Variants in LRRC37A2 observed in about 807,000 individuals in gnomAD.
LRRC37A2 encodes the protein leucine-rich repeat-containing protein 37A2.
Under a neutral mutation model 68.8 loss-of-function variants are expected in LRRC37A2, and 9 were observed. The observed-to-expected ratio is 0.13, with a 90% CI of 0.08 to 0.23. The LOEUF (loss-of-function observed/expected upper bound fraction) is 0.23, where lower values mean the gene tolerates loss of function less well. Ranked by LOEUF, LRRC37A2 falls within the 10% of genes least tolerant of loss-of-function variation. The pLI, the probability that LRRC37A2 is intolerant of heterozygous loss-of-function variation, is 1.00. For synonymous variants in LRRC37A2, 63 were observed against 367.6 expected (o/e 0.17, Z 9.48); for missense variants, 168 against 950.4 (o/e 0.18, Z 10.82).
At chr17:46,895,625 G>A in the LRRC37A2 span, among the ~76,000 whole-genome samples, 2 of 152,322 alleles carry the variant, frequency 1.3e-5, no homozygotes, top group South Asian at 4.1e-4. Flanking sequence ...GGTTCAGAAA[G>A]GTTGTGCCTG....
the LRRC37A2 span, chr17:46,932,449 C>G: frequency 1.7e-6 from 1 of 600,652 alleles, no homozygotes; most frequent in Non-Finnish European, 3.0e-6. Context: ...TGAAAATTAC[C>G]TGGTTGGGCT....
chr17:46,900,256 T>A, the LRRC37A2 span, among the ~76,000 whole-genome samples: 1 of 146,822 alleles, frequency 6.8e-6, no homozygotes, highest in African/African-American at 2.6e-5. Flanking sequence ...TATATGTATA[T>A]ATATATTTTT....
the LRRC37A2 span, among the ~76,000 whole-genome samples, chr17:46,880,979 A>T: frequency 6.6e-6 from 1 of 152,176 alleles, no homozygotes; most frequent in East Asian, 1.9e-4. Flanking sequence ...TAATAGGAGA[A>T]ATGAGAAGCA....
At chr17:46,856,612 T>C in the LRRC37A2 span, among the ~76,000 whole-genome samples, 1 of 151,750 alleles carries the variant, frequency 6.6e-6, no homozygotes, top group Non-Finnish European at 1.5e-5. Context: ...GCCTCTCAAG[T>C]AGATGGGATG....
the LRRC37A2 span, among the ~76,000 whole-genome samples, chr17:46,872,219 C>G: frequency 6.6e-6 from 1 of 152,168 alleles, no homozygotes; most frequent in Non-Finnish European, 1.5e-5. Context: ...CCTGGGAAAG[C>G]GTATTTTTAA....
chr17:47,036,375 G>GA, the LRRC37A2 span, among the ~76,000 whole-genome samples: 2 of 151,542 alleles, frequency 1.3e-5, no homozygotes, highest in Non-Finnish European at 2.9e-5. Context: ...TGTTTTAAAA[G>GA]AAAAAAAATC....
At chr17:46,999,637 A>T in the LRRC37A2 span, among the ~76,000 whole-genome samples, 2 of 152,002 alleles carry the variant, frequency 1.3e-5, no homozygotes, top group Non-Finnish European at 2.9e-5. Flanking sequence ...GGCGTGAGCC[A>T]CCATGCCAGG....
At chr17:46,749,442 T>C in the LRRC37A2 span, among the ~76,000 whole-genome samples, 1 of 152,214 alleles carries the variant, frequency 6.6e-6, no homozygotes, top group African/African-American at 2.4e-5. Flanking sequence ...ATTCCCACCA[T>C]ACATGTGCCA....
chr17:46,772,520 AGAACGAGTTT>A, the LRRC37A2 span, among the ~76,000 whole-genome samples: 26 of 152,376 alleles, frequency 1.7e-4, no homozygotes, highest in African/African-American at 5.5e-4. Context: ...CACACCGACA[AGAACGAGTTT>A]GAAATGCAAA....
the LRRC37A2 span, among the ~76,000 whole-genome samples, chr17:46,961,307 G>A: frequency 1.3e-4 from 20 of 152,276 alleles, no homozygotes; most frequent in African/African-American, 4.6e-4. Context: ...GGAGGCTGAG[G>A]CAGGAGGATC....
At chr17:46,822,095 G>A in the LRRC37A2 span, among the ~76,000 whole-genome samples, 1 of 152,248 alleles carries the variant, frequency 6.6e-6, no homozygotes, top group Admixed American at 6.5e-5. Context: ...GGGGAAGTGC[G>A]AAGGGCCGAA....
At chr17:46,932,115 C>T in the LRRC37A2 span, 1 of 1,613,720 alleles carries the variant, frequency 6.2e-7, no homozygotes, top group African/African-American at 1.3e-5. Flanking sequence ...AGACTGCGCT[C>T]AGAAACTTCC....
At chr17:46,862,785 T>C in the LRRC37A2 span, among the ~76,000 whole-genome samples, 1 of 152,168 alleles carries the variant, frequency 6.6e-6, no homozygotes, top group Admixed American at 6.5e-5. Flanking sequence ...GGTTTTACCA[T>C]GTTGGCCAGG....
the LRRC37A2 span, among the ~76,000 whole-genome samples, chr17:46,839,074 C>T: frequency 2.0e-5 from 3 of 152,138 alleles, no homozygotes; most frequent in South Asian, 6.2e-4. Flanking sequence ...GACAGACTTT[C>T]ACCATGTTGG....
At chr17:46,954,311 GTTT>G in the LRRC37A2 span, among the ~76,000 whole-genome samples, 5 of 152,138 alleles carry the variant, frequency 3.3e-5, no homozygotes, top group Non-Finnish European at 5.9e-5. Context: ...CCCATTTCTT[GTTT>G]TTGTCAGGTT....
chr17:46,964,501 G>T, the LRRC37A2 span: 1 of 152,398 alleles, frequency 6.6e-6, no homozygotes, highest in African/African-American at 2.4e-5. Context: ...GGACAGCTTC[G>T]CTGGCCTATT....
chr17:46,687,414 T>A, the LRRC37A2 span, among the ~76,000 whole-genome samples: 5 of 151,390 alleles, frequency 3.3e-5, 1 homozygote, highest in Non-Finnish European at 5.9e-5. Context: ...ACAAAAAAAA[T>A]TCCCTTGTAT....
At chr17:46,996,583 C>T in the LRRC37A2 span, among the ~76,000 whole-genome samples, 54 of 152,344 alleles carry the variant, frequency 3.5e-4, no homozygotes, top group African/African-American at 1.3e-3. Context: ...GGCCCAGGGG[C>T]CCCTAGGCCT....
At chr17:46,535,548 ATTTT>A (rs2054567216) in intron 6 of LRRC37A2, among the ~76,000 whole-genome samples, 1 of 41,234 alleles carries the variant, frequency 2.4e-5, no homozygotes, top group Non-Finnish European at 3.9e-5. Context: ...ACTTTCATTC[ATTTT>A]TATTTCTGTT....
Sources: gnomAD v4.1 joint callset for allele counts (sites outside exome capture counted in the v4.1 genomes callset) on GRCh38, gnomAD v4.1.1 for gene constraint, MANE v1.5 for transcripts, NCBI Gene and HGNC (gene_info 2026-07-23, HGNC 2026-07-21) for gene names.